NRXN1: variants seen among roughly 807,000 people sequenced by gnomAD.
The protein encoded by NRXN1 is neurexin 1, also known as neurexin-1.
In NRXN1, 39 loss-of-function variants were observed where a neutral mutation model predicts 150.9. That is an observed-to-expected ratio of 0.26 (90% confidence interval 0.20 to 0.34). The LOEUF is 0.34. NRXN1 is among the 10% of genes least tolerant of loss of function. NRXN1 has a pLI of 1.00. For synonymous variants in NRXN1, 924 were observed against 757.0 expected (o/e 1.22, Z -3.62); for missense variants, 1,815 against 1,949.9 (o/e 0.93, Z 1.30).
At chr2:50,343,477 C>T (rs929485600) in intron 17 of NRXN1, among the ~76,000 whole-genome samples, 1 of 151,952 alleles carries the variant, frequency 6.6e-6, no homozygotes, top group African/African-American at 2.4e-5. Context: ...AAAAAAAACA[C>T]AATTTTTCTA....
At chr2:50,234,216 G>A (rs542045894) in intron 18 of NRXN1, among the ~76,000 whole-genome samples, 99 of 152,148 alleles carry the variant, frequency 6.5e-4, no homozygotes, top group African/African-American at 2.2e-3. Flanking sequence ...GAAAAAGGCC[G>A]GGCACGGTGG....
intron 17 of NRXN1, among the ~76,000 whole-genome samples, chr2:50,249,401 C>T (rs1213557169): frequency 1.3e-5 from 2 of 151,760 alleles, no homozygotes; most frequent in African/African-American, 4.8e-5. Context: ...AACAAATCAA[C>T]AAAAAACAAT....
chr2:50,638,751 C>T (rs1203216247), intron 5 of NRXN1, among the ~76,000 whole-genome samples: 1 of 152,100 alleles, frequency 6.6e-6, no homozygotes, highest in Non-Finnish European at 1.5e-5. Flanking sequence ...CAGTATATGG[C>T]AAAAATATTT....
intron 2 of NRXN1, among the ~76,000 whole-genome samples, chr2:50,946,272 A>C (rs1690374557): frequency 6.6e-6 from 1 of 152,314 alleles, no homozygotes; most frequent in Non-Finnish European, 1.5e-5. Flanking sequence ...TTAGTACTAA[A>C]GAGATATTTG....
At chr2:50,505,613 C>T (rs900883383) in intron 13 of NRXN1, among the ~76,000 whole-genome samples, 5 of 152,146 alleles carry the variant, frequency 3.3e-5, no homozygotes, top group Non-Finnish European at 5.9e-5. Context: ...TACTCTTCTG[C>T]CCTGTAAATT....
At chr2:50,514,522 G>T (rs1448583828) in intron 12 of NRXN1, among the ~76,000 whole-genome samples, 3 of 152,172 alleles carry the variant, frequency 2.0e-5, no homozygotes, top group Admixed American at 6.6e-5. Context: ...ACAGTCAAAG[G>T]AACTTACATT....
chr2:50,283,551 A>G (rs1574920225), intron 17 of NRXN1, among the ~76,000 whole-genome samples: 1 of 152,168 alleles, frequency 6.6e-6, no homozygotes, highest in South Asian at 2.1e-4. Context: ...ATTATAAAAG[A>G]TATCCAAATG....
At chr2:50,794,576 C>A (rs536259081) in intron 5 of NRXN1, among the ~76,000 whole-genome samples, 7 of 151,998 alleles carry the variant, frequency 4.6e-5, no homozygotes, top group Admixed American at 1.3e-4. Context: ...ATTGTAATTT[C>A]TATAAAAAAA....
intron 18 of NRXN1, among the ~76,000 whole-genome samples, chr2:50,107,144 A>G (rs1701759812): frequency 2.0e-5 from 3 of 151,978 alleles, no homozygotes; most frequent in African/African-American, 2.4e-5. Flanking sequence ...GGCATTCCAC[A>G]TACAGATTAG....
At chr2:50,021,852 A>G (rs1034884400) in intron 21 of NRXN1, among the ~76,000 whole-genome samples, 1 of 152,050 alleles carries the variant, frequency 6.6e-6, no homozygotes, top group Non-Finnish European at 1.5e-5. Flanking sequence ...TAATGGTAAT[A>G]TTTATTTATT....
At chr2:50,533,074 G>A (rs2093160980) in intron 10 of NRXN1, among the ~76,000 whole-genome samples, 1 of 152,268 alleles carries the variant, frequency 6.6e-6, no homozygotes, top group East Asian at 1.9e-4. Context: ...GTCAAGTACT[G>A]TTTCTATAAG....
At chr2:50,167,355 C>G (rs1445257668) in intron 18 of NRXN1, among the ~76,000 whole-genome samples, 1 of 152,092 alleles carries the variant, frequency 6.6e-6, no homozygotes, top group East Asian at 1.9e-4. Context: ...AATCCTCTCG[C>G]TCAACATGAA....
At chr2:50,920,333 G>T (rs1458993065) in intron 5 of NRXN1, among the ~76,000 whole-genome samples, 1 of 151,690 alleles carries the variant, frequency 6.6e-6, no homozygotes. Flanking sequence ...AGTGACACTT[G>T]ACATTAAGTA....
At chr2:50,140,029 C>G (rs1322172700) in intron 18 of NRXN1, among the ~76,000 whole-genome samples, 1 of 151,960 alleles carries the variant, frequency 6.6e-6, no homozygotes, top group Non-Finnish European at 1.5e-5. Flanking sequence ...AGTTAATACA[C>G]AGAGCATTTT....
chr2:50,278,503 T>C (rs2070966422), intron 17 of NRXN1, among the ~76,000 whole-genome samples: 1 of 150,610 alleles, frequency 6.6e-6, no homozygotes. Flanking sequence ...CCACTTCTAA[T>C]CTGAGTGAAA....
chr2:50,256,879 T>C (rs2067751147), intron 17 of NRXN1, among the ~76,000 whole-genome samples: 2 of 152,056 alleles, frequency 1.3e-5, no homozygotes, highest in Admixed American at 1.3e-4. Context: ...TGCTTCAGAC[T>C]TCGAGATGGA....
At chr2:50,145,744 A>C (rs1369932114) in intron 18 of NRXN1, among the ~76,000 whole-genome samples, 1 of 151,650 alleles carries the variant, frequency 6.6e-6, no homozygotes, top group Non-Finnish European at 1.5e-5. Context: ...ATGGATAATA[A>C]ATTATTTTGG....
chr2:50,605,988 C>T (rs1677047963), intron 8 of NRXN1, among the ~76,000 whole-genome samples: 1 of 151,968 alleles, frequency 6.6e-6, no homozygotes, highest in Admixed American at 6.6e-5. Context: ...CAGCCAGGAG[C>T]CTGTAATCCT....
chr2:50,847,407 A>C (rs966964262), intron 5 of NRXN1, among the ~76,000 whole-genome samples: 1 of 152,108 alleles, frequency 6.6e-6, no homozygotes, highest in African/African-American at 2.4e-5. Context: ...ACTAGGTCTG[A>C]CTGCAGGGGA....
Sources: gnomAD v4.1 joint callset for allele counts (sites outside exome capture counted in the v4.1 genomes callset) on GRCh38, gnomAD v4.1.1 for gene constraint, MANE v1.5 for transcripts, NCBI Gene and HGNC (gene_info 2026-07-23, HGNC 2026-07-21) for gene names.